The following MTA3 variants were observed in gnomAD, a reference collection of about 807,000 sequenced individuals.
MTA3 encodes the protein metastasis-associated protein MTA3.
In MTA3, 34 loss-of-function variants were observed where a neutral mutation model predicts 83.5. The observed-to-expected ratio is 0.41, with a 90% confidence interval of 0.31 to 0.54. MTA3 has a LOEUF of 0.54. Ranked by LOEUF, MTA3 falls within the 20% of genes least tolerant of loss-of-function variation. The pLI is 0.33. For missense variants in MTA3, 761 were observed against 726.4 expected, an observed-to-expected ratio of 1.05 and a Z score of -0.55; for synonymous variants, 303 against 252.7, an observed-to-expected ratio of 1.20 and a Z score of -1.89.
intron 2 of MTA3, among the ~76,000 whole-genome samples, chr2:42,537,242 G>C (rs942053972): frequency 6.6e-6 from 1 of 152,106 alleles, no homozygotes; most frequent in African/African-American, 2.4e-5. Context: ...GTCCAAGTTG[G>C]GGAACAAGCT....
chr2:42,592,891 C>T (rs1008851223), intron 3 of MTA3, among the ~76,000 whole-genome samples: 20 of 152,098 alleles, frequency 1.3e-4, no homozygotes, highest in African/African-American at 4.6e-4. Flanking sequence ...TGGCTCACGC[C>T]TGTAATCCCA....
chr2:42,585,195 T>C (rs1331315605), intron 3 of MTA3, among the ~76,000 whole-genome samples: 1 of 152,116 alleles, frequency 6.6e-6, no homozygotes, highest in Non-Finnish European at 1.5e-5. Context: ...GTTCAGGCAA[T>C]TCCCTGCCTC....
At chr2:42,672,409 G>A (rs1251138774) in intron 8 of MTA3, among the ~76,000 whole-genome samples, 3 of 151,562 alleles carry the variant, frequency 2.0e-5, no homozygotes, top group Admixed American at 1.3e-4. Context: ...CTGGGAGGCC[G>A]AGGCGGGTGG....
intron 4 of MTA3, among the ~76,000 whole-genome samples, chr2:42,621,438 C>T (rs1015192446): frequency 5.3e-5 from 8 of 152,128 alleles, no homozygotes; most frequent in South Asian, 2.1e-4. Context: ...CAGAGAGCAC[C>T]GGGTTGGGAG....
At chr2:42,578,020 AAT>A (rs1679239405) in intron 2 of MTA3, among the ~76,000 whole-genome samples, 1 of 152,234 alleles carries the variant, frequency 6.6e-6, no homozygotes, top group Non-Finnish European at 1.5e-5. Flanking sequence ...TTAGAAATTT[AAT>A]ATGATTTCAG....
chr2:42,644,664 A>G (rs562980810), intron 6 of MTA3, among the ~76,000 whole-genome samples: 18 of 152,338 alleles, frequency 1.2e-4, no homozygotes, highest in African/African-American at 4.1e-4. Context: ...TTCCAACAGG[A>G]CAGTGTCTCT....
At chr2:42,547,107 C>G (rs972885431) in intron 2 of MTA3, among the ~76,000 whole-genome samples, 1 of 152,148 alleles carries the variant, frequency 6.6e-6, no homozygotes. Flanking sequence ...GGCCCCTCCC[C>G]CAGAGACAGA....
At chr2:42,518,831 T>G (rs1379947264) in intron 2 of MTA3, among the ~76,000 whole-genome samples, 1 of 151,880 alleles carries the variant, frequency 6.6e-6, no homozygotes, top group Non-Finnish European at 1.5e-5. Context: ...CCAGGCATGG[T>G]GGGGCGAGCC....
At chr2:42,689,813 A>T (rs1158774758) in intron 9 of MTA3, among the ~76,000 whole-genome samples, 2 of 113,768 alleles carry the variant, frequency 1.8e-5, no homozygotes, top group African/African-American at 3.7e-5. Context: ...TCTGGCTAGG[A>T]GTTTATCAGT....
intron 8 of MTA3, among the ~76,000 whole-genome samples, chr2:42,668,303 G>A (rs530649718): frequency 1.8e-4 from 28 of 152,180 alleles, no homozygotes; most frequent in Non-Finnish European, 3.5e-4. Flanking sequence ...TTATTCAGCA[G>A]TTTATGTACC....
intron 16 of MTA3, chr2:42,752,312 G>A (rs766945178): frequency 5.3e-5 from 25 of 470,678 alleles, no homozygotes; most frequent in Non-Finnish European, 1.1e-4. Context: ...GTGAAGGTGA[G>A]CATTGCTGGG....
chr2:42,709,006 G>A lies in MTA3; in HGVS notation c.1435G>A (p.Ala479Thr), dbSNP rs779304365. 6.2e-7 allele frequency: 1 copy of A among 1,613,902 alleles called. No individual in the cohort carries two copies. The highest frequency in any genetic ancestry group is 1.3e-5 in the African/African-American group (1 of 74,934). Residue 479 changes from alanine to threonine, a missense_variant, in exon 14 of 17, where the codon GCT becomes ACT. By Grantham distance (58) the Ala-to-Thr change is moderately conservative. Transcript: ENST00000405094. ...FLHTTYFTKFARQVCKNTLRL... is the reference protein window; with the variant it reads ...FLHTTYFTKFTRQVCKNTLRL... ...TCATACTACATATTTCACAAAATTT[G>A]CTCGTCAGGTCTGCAAAAATACCCT...
At position 42,755,616 on chromosome 2, in the gene MTA3, C is replaced by G; in HGVS notation, c.*2217C>G. On this transcript the variant is annotated 3_prime_UTR_variant, in exon 17 of 17. Transcript: ENST00000405094. ...TGTCTCTGGAAACTGCCCCCTCGTTCTGACAGAATCCCCCAGGCAATGGAG... is the reference window on the plus strand; with the variant it reads ...TGTCTCTGGAAACTGCCCCCTCGTTGTGACAGAATCCCCCAGGCAATGGAG... The G allele has an allele frequency of 1.0e-6, 1 of 985,630 alleles. No individual in the cohort carries two copies. Among genetic ancestry groups the G allele is most frequent in the African/African-American group, 1.7e-5 (1 of 57,364 alleles). The allele number at this position is 985,630 out of a possible 1,614,324, so 61.1% of individuals were successfully genotyped here. A position where few individuals can be genotyped will look rare whatever the true frequency, so the allele number is the denominator to read the frequency against.
chr2:42,746,129 C>T (rs1351835780), intron 16 of MTA3, among the ~76,000 whole-genome samples: 2 of 152,114 alleles, frequency 1.3e-5, no homozygotes, highest in African/African-American at 4.8e-5. Flanking sequence ...TCCTCTTTAT[C>T]TCTGTTAATA....
At chr2:42,707,760 A>G in intron 12 of MTA3, 143 bp from the exon 13 acceptor site, 1 of 851,624 alleles carries the variant, frequency 1.2e-6, no homozygotes, top group Non-Finnish European at 1.7e-6. Context: ...AAACAAATAT[A>G]CTATTATGTT....
Position 42,704,293 on chromosome 2 carries a change from A to G in MTA3, c.1125A>G (p.Leu375=). Reference sequence around the variant, plus strand: ...CGTTCCAGCCTCAGAATCCTCTCTTAGGGAGAGCCTGTGAGAGCTGCTATG... The same window carrying G: ...CGTTCCAGCCTCAGAATCCTCTCTTGGGGAGAGCCTGTGAGAGCTGCTATG... ...GTTFQPQNPL[L]GRACESCYAT... The change falls in exon 12 of 17, where the codon TTA becomes TTG. Residue 375 remains leucine (L), a synonymous_variant. Transcript: ENST00000405094. 2 of 1,613,920 alleles carry G rather than the reference A, an allele frequency of 1.2e-6. No homozygotes were observed. The highest frequency in any genetic ancestry group is 2.2e-5 in the East Asian group (1 of 44,880).
rs540353892 is a variant in MTA3, at chr2:42,506,979, T to C, written c.-141+11725T>C. ...GTACAGTGGTGCAATTATAGGTCAC[T>C]GTTACCTCGAACTCCTAGGCTCAAG... On this transcript the variant is annotated intron_variant, in intron 2 of 17. Coordinates refer to the MTA3 transcript ENST00000405592. 5.3e-5 allele frequency among the ~76,000 whole-genome samples: 8 copies of C among 152,306 alleles called. No individual in the cohort carries two copies. In the South Asian group the frequency reaches 1.7e-3, roughly 32 times the overall value.
At chr2:42,652,731 A>G (rs906943340) in intron 6 of MTA3, among the ~76,000 whole-genome samples, 1 of 152,104 alleles carries the variant, frequency 6.6e-6, no homozygotes, top group Admixed American at 6.6e-5. Context: ...TTTATTTCCT[A>G]GTGTTTTATA....
At chr2:42,570,564 AT>A (rs1678350009) in intron 2 of MTA3, 60 bp downstream of exon 2, 1 of 1,073,138 alleles carries the variant, frequency 9.3e-7, no homozygotes, top group South Asian at 2.0e-5. Context: ...TTGATGGGTA[AT>A]TGGGTAAAGG....
Sources: allele counts gnomAD v4.1 joint callset (sites outside exome capture counted in the v4.1 genomes callset), GRCh38; gene constraint gnomAD v4.1.1; transcripts MANE v1.5; gene names NCBI Gene and HGNC (gene_info 2026-07-23, HGNC 2026-07-21).